The following HTR2C variants were observed in gnomAD, a reference collection of about 807,000 sequenced individuals.
The protein encoded by HTR2C is 5-hydroxytryptamine receptor 2C, also known as 5-hydroxytryptamine (serotonin) receptor 2C, G protein-coupled.
Under a neutral mutation model 21.0 loss-of-function variants are expected in HTR2C, and 5 were observed. That is an observed-to-expected ratio of 0.24 (90% CI 0.12 to 0.50). The LOEUF (loss-of-function observed/expected upper bound fraction) is 0.50. Ranked by LOEUF, HTR2C falls within the 20% of genes least tolerant of loss-of-function variation. The probability of loss-of-function intolerance (pLI) is 0.98; values close to 1 mark genes in which losing one functional copy is unlikely to be tolerated. For missense variants in HTR2C, 271 were observed against 371.2 expected, an observed-to-expected ratio of 0.73 and a Z score of 2.22; for synonymous variants, 150 against 145.3, an observed-to-expected ratio of 1.03 and a Z score of -0.23.
Position 114,761,158 on chromosome X carries a change from T to C in HTR2C, c.349+29551T>C, listed in dbSNP as rs184681050. On this transcript the variant is annotated intron_variant, in intron 4 of 5. Transcript: ENST00000276198. Reference sequence around the variant, plus strand: ...TAATTTTAAGATATTTAAAATTCTTTATAGTTTTTTGCTTATCTTTCTAAG... The same window carrying C: ...TAATTTTAAGATATTTAAAATTCTTCATAGTTTTTTGCTTATCTTTCTAAG... Among the ~76,000 whole-genome samples, 152 of 111,450 alleles carry C rather than the reference T, an allele frequency of 1.4e-3. 2 individuals are homozygous for C. Among genetic ancestry groups the C allele is most frequent in the Admixed American group, 0.013 (134 of 10,416 alleles).
intron 2 of HTR2C, among the ~76,000 whole-genome samples, chrX:114,706,979 G>A (rs781854952): frequency 5.4e-5 from 6 of 110,583 alleles, no homozygotes; most frequent in Admixed American, 2.9e-4. Context: ...AAGATTGTAA[G>A]GTTTGTCCAG....
At chrX:114,762,820 G>C (rs782732597) in intron 4 of HTR2C, among the ~76,000 whole-genome samples, 2 of 112,026 alleles carry the variant, frequency 1.8e-5, no homozygotes, top group South Asian at 7.4e-4. Flanking sequence ...GTTTACATTT[G>C]TGATGGGCAT....
At chrX:114,797,955 GTCTTCGGAAATCACAAA>G (rs1420674466) in intron 4 of HTR2C, among the ~76,000 whole-genome samples, 1 of 111,664 alleles carries the variant, frequency 9.0e-6, no homozygotes, top group Non-Finnish European at 1.9e-5. Flanking sequence ...TAAAATAGAG[GTCTTCGGAAATCACAAA>G]TTTTGGTAAG....
intron 4 of HTR2C, among the ~76,000 whole-genome samples, chrX:114,796,398 C>T (rs150860101): frequency 1.8e-5 from 2 of 111,419 alleles, no homozygotes; most frequent in East Asian, 2.8e-4. Context: ...GTGTGAATTC[C>T]GTTTTGGACA....
At chrX:114,839,941 C>T (rs181748576) in intron 4 of HTR2C, among the ~76,000 whole-genome samples, 44 of 110,882 alleles carry the variant, frequency 4.0e-4, no homozygotes, top group African/African-American at 1.4e-3. Context: ...GACATTTGAG[C>T]TGTAGCCCAA....
rs782431344 is a variant in HTR2C, at chrX:114,701,368, C to T, written c.-79-25490C>T. ...GGGTACTCCTCTGAGACAAAACTTC[C>T]AGAGGAACAATCAGACAGCAGCATT... On this transcript the variant is annotated intron_variant, in intron 2 of 5. Coordinates refer to ENST00000276198, the MANE Select transcript of HTR2C (RefSeq NM_000868.4). Among the ~76,000 whole-genome samples, 154 of 111,154 alleles carry T rather than the reference C, an allele frequency of 1.4e-3. 1 individual carries two copies. Among genetic ancestry groups the T allele is most frequent in the Non-Finnish European group, 2.4e-3 (127 of 53,049 alleles).
chrX:114,687,159 G>C (rs1413210731), intron 2 of HTR2C, among the ~76,000 whole-genome samples: 1 of 112,033 alleles, frequency 8.9e-6, no homozygotes, highest in African/African-American at 3.2e-5. Context: ...TTTAAAACTT[G>C]CTTTGGAAAA....
At chrX:114,626,233 TA>T (rs1929368180) in intron 2 of HTR2C, among the ~76,000 whole-genome samples, 1 of 104,436 alleles carries the variant, frequency 9.6e-6, no homozygotes, top group African/African-American at 3.5e-5. Flanking sequence ...AAAAAAATAA[TA>T]AAAAATTAGC....
intron 1 of HTR2C, among the ~76,000 whole-genome samples, chrX:114,600,226 A>G (rs1355648759): frequency 8.9e-6 from 1 of 112,432 alleles, no homozygotes; most frequent in Non-Finnish European, 1.9e-5. Context: ...ATTCAAACCC[A>G]TATCTGTCTA....
At chrX:114,609,012 C>G (rs1406332435) in intron 1 of HTR2C, among the ~76,000 whole-genome samples, 1 of 111,920 alleles carries the variant, frequency 8.9e-6, no homozygotes, top group Admixed American at 9.5e-5. Context: ...TTTAAAATTA[C>G]ACTTATTCAG....
intron 4 of HTR2C, among the ~76,000 whole-genome samples, chrX:114,767,059 T>A (rs1195330525): frequency 2.7e-5 from 3 of 111,684 alleles, no homozygotes; most frequent in African/African-American, 9.7e-5. Context: ...AGAATTTTTA[T>A]TTTCATCCTG....
At chrX:114,681,720 A>T (rs984745775) in intron 2 of HTR2C, among the ~76,000 whole-genome samples, 2 of 111,821 alleles carry the variant, frequency 1.8e-5, no homozygotes, top group East Asian at 5.6e-4. Context: ...AGATTACCAA[A>T]TCTTGGTAGT....
chrX:114,838,315 T>C (rs1231311801), intron 4 of HTR2C, among the ~76,000 whole-genome samples: 1 of 112,035 alleles, frequency 8.9e-6, no homozygotes, highest in Non-Finnish European at 1.9e-5. Context: ...TCTTTTCATA[T>C]ATGTTAACTT....
intron 2 of HTR2C, among the ~76,000 whole-genome samples, chrX:114,690,117 A>T (rs1211620536): frequency 1.8e-5 from 2 of 111,468 alleles, no homozygotes; most frequent in Non-Finnish European, 3.8e-5. Context: ...TGAGTGAGGA[A>T]TTATTTTGGT....
chrX:114,874,811 A>G (rs938972900), intron 5 of HTR2C, among the ~76,000 whole-genome samples: 6 of 111,160 alleles, frequency 5.4e-5, no homozygotes, highest in African/African-American at 2.0e-4. Flanking sequence ...ACCCGGCCTC[A>G]TTATGGTTTT....
At chrX:114,709,763 A>G (rs1180065805) in intron 2 of HTR2C, among the ~76,000 whole-genome samples, 1 of 109,353 alleles carries the variant, frequency 9.1e-6, no homozygotes, top group Non-Finnish European at 1.9e-5. Flanking sequence ...CTTCTCCTTC[A>G]TTTGTTCCTT....
At chrX:114,708,714 G>A (rs139741482) in intron 2 of HTR2C, among the ~76,000 whole-genome samples, 137 of 110,878 alleles carry the variant, frequency 1.2e-3, no homozygotes, top group African/African-American at 4.2e-3. Context: ...GGCTGAGGCG[G>A]GAGAATTGCT....
intron 4 of HTR2C, among the ~76,000 whole-genome samples, chrX:114,818,612 T>C (rs1556455273): frequency 1.8e-5 from 2 of 111,802 alleles, no homozygotes; most frequent in Non-Finnish European, 3.8e-5. Context: ...CCACCACATC[T>C]CAGCTTCACC....
chrX:114,820,775 C>T (rs2070625433), intron 4 of HTR2C, among the ~76,000 whole-genome samples: 1 of 110,756 alleles, frequency 9.0e-6, no homozygotes, highest in Non-Finnish European at 1.9e-5. Flanking sequence ...GCCTCCCCAG[C>T]CATGTGGAAC....
Sources: gnomAD v4.1 joint callset for allele counts (sites outside exome capture counted in the v4.1 genomes callset) on GRCh38, gnomAD v4.1.1 for gene constraint, MANE v1.5 for transcripts, NCBI Gene and HGNC (gene_info 2026-07-23, HGNC 2026-07-21) for gene names.